PDZD2: variants seen among roughly 807,000 people sequenced by gnomAD.
PDZD2 encodes the protein PDZ domain containing 2.
In PDZD2, 90 loss-of-function variants were observed where a neutral mutation model predicts 220.7. The observed-to-expected ratio is 0.41, with a 90% CI of 0.34 to 0.49. The LOEUF (loss-of-function observed/expected upper bound fraction) is 0.49, where lower values mean the gene tolerates loss of function less well. PDZD2 is among the 20% of genes least tolerant of loss of function. The pLI is 0.28. For missense variants in PDZD2, 3,174 were observed against 3,608.5 expected (o/e 0.88, Z 3.08); for synonymous variants, 1,375 against 1,450.5 (o/e 0.95, Z 1.18).
intron 2 of PDZD2, among the ~76,000 whole-genome samples, chr5:31,833,104 T>C (rs1016905073): frequency 1.1e-4 from 17 of 152,242 alleles, no homozygotes; most frequent in Admixed American, 5.2e-4. Context: ...TCCAAAACTC[T>C]GGAAAAATGA....
At chr5:32,060,647 G>A (rs1380630447) in intron 13 of PDZD2, among the ~76,000 whole-genome samples, 1 of 152,080 alleles carries the variant, frequency 6.6e-6, no homozygotes, top group African/African-American at 2.4e-5. Context: ...TGCACAATGG[G>A]AATAATTTTA....
At position 31,799,278 on chromosome 5, in the gene PDZD2, G is replaced by A. The variant is rs1482786582; in HGVS notation, c.30G>A (p.Leu10=). MPITQDNAV[L]HLPLLYQWLQ... is the part of the protein sequence containing the mutation. ...CCATCACCCAGGACAATGCCGTGCTGCACCTGCCCCTCCTCTACCAGTGGC... is the reference window on the plus strand; with the variant it reads ...CCATCACCCAGGACAATGCCGTGCTACACCTGCCCCTCCTCTACCAGTGGC... Residue 10 remains leucine, a synonymous_variant, in exon 2 of 25, where the codon CTG becomes CTA. Coordinates refer to ENST00000438447, the MANE Select transcript of PDZD2 (RefSeq NM_178140.4). The A allele has an allele frequency of 1.9e-6, 3 of 1,611,142 alleles. No individual in the cohort carries two copies. The highest frequency in any genetic ancestry group is 1.3e-5 in the African/African-American group (1 of 74,900).
intron 2 of PDZD2, among the ~76,000 whole-genome samples, chr5:31,868,024 T>C (rs576123503): frequency 6.6e-6 from 1 of 152,290 alleles, no homozygotes; most frequent in South Asian, 2.1e-4. Flanking sequence ...GTTATCATTT[T>C]GCAGATCTGG....
At chr5:31,734,980 T>C (rs931203351) in intron 1 of PDZD2, among the ~76,000 whole-genome samples, 1 of 152,222 alleles carries the variant, frequency 6.6e-6, no homozygotes, top group African/African-American at 2.4e-5. Flanking sequence ...AATTCCTTTG[T>C]CTGTCTCTGC....
At chr5:32,052,341 T>C (rs1738646349) in intron 8 of PDZD2, among the ~76,000 whole-genome samples, 1 of 152,224 alleles carries the variant, frequency 6.6e-6, no homozygotes, top group Non-Finnish European at 1.5e-5. Context: ...AGCCGGGGTT[T>C]CACCACGTTG....
intron 2 of PDZD2, among the ~76,000 whole-genome samples, chr5:31,845,844 T>C (rs564832751): frequency 6.6e-6 from 1 of 152,362 alleles, no homozygotes; most frequent in East Asian, 1.9e-4. Context: ...CTTGGCATCC[T>C]GTATGTGTTC....
intron 6 of PDZD2, among the ~76,000 whole-genome samples, chr5:32,022,446 A>G (rs1422332282): frequency 6.6e-6 from 1 of 151,686 alleles, no homozygotes; most frequent in Non-Finnish European, 1.5e-5. Context: ...AGCTCAGGCA[A>G]TCTGCCTGCC....
At chr5:32,015,525 T>C (rs146519001) in intron 6 of PDZD2, among the ~76,000 whole-genome samples, 1 of 152,290 alleles carries the variant, frequency 6.6e-6, no homozygotes, top group African/African-American at 2.4e-5. Context: ...TAGCTGGGAT[T>C]ACAGAAGTGA....
At chr5:31,700,224 A>C (rs1747556469) in intron 1 of PDZD2, among the ~76,000 whole-genome samples, 2 of 152,166 alleles carry the variant, frequency 1.3e-5, no homozygotes, top group Admixed American at 1.3e-4. Context: ...TAGAAGAGGA[A>C]GAAAGCCAAG....
At chr5:31,713,556 A>G (rs1274011824) in intron 1 of PDZD2, among the ~76,000 whole-genome samples, 2 of 152,188 alleles carry the variant, frequency 1.3e-5, no homozygotes, top group Non-Finnish European at 2.9e-5. Flanking sequence ...GGGGTCATGC[A>G]GGTACATCCG....
At position 32,098,520 on chromosome 5, in the gene PDZD2, G is replaced by C. The variant is rs370370782; in HGVS notation, c.8104G>C (p.Val2702Leu). The C allele has an allele frequency of 1.9e-6, 3 of 1,614,014 alleles. No homozygotes were observed. Among genetic ancestry groups the C allele is most frequent in the Non-Finnish European group, 2.5e-6 (3 of 1,180,034 alleles). Residue 2702 changes from valine to leucine, a missense_variant, in exon 23 of 25, where the codon GTG becomes CTG. Physicochemically the swap from Val to Leu is conservative, Grantham distance 32. Coordinates refer to ENST00000438447, the MANE Select transcript of PDZD2 (RefSeq NM_178140.4). The surrounding 1 kb of genome is among the most constrained non-coding windows in gnomAD (Gnocchi z 4.1). ...GGCACAGCTGCACAAAGATGCCCTC[G>C]TGGTCATCAAGAAAGGGATGGATCA... ...HQAQLHKDALVVIKKGMDQPR... is the reference protein window; with the variant it reads ...HQAQLHKDALLVIKKGMDQPR...
At chr5:31,861,578 G>A (rs1214673024) in intron 2 of PDZD2, among the ~76,000 whole-genome samples, 7 of 152,168 alleles carry the variant, frequency 4.6e-5, no homozygotes, top group Non-Finnish European at 8.8e-5. Context: ...GGAGATTGCC[G>A]GCTGAACCCA....
intron 1 of PDZD2, among the ~76,000 whole-genome samples, chr5:31,775,665 G>GTA (rs1491161177): frequency 3.9e-5 from 1 of 25,450 alleles, no homozygotes; most frequent in Non-Finnish European, 6.5e-5. Context: ...CTCACAGAGC[G>GTA]TGTGTGTGTG....
At chr5:32,095,426 A>C (rs1021061371) in intron 21 of PDZD2, among the ~76,000 whole-genome samples, 4 of 152,170 alleles carry the variant, frequency 2.6e-5, no homozygotes, top group African/African-American at 9.7e-5. Flanking sequence ...GCAGGTACTA[A>C]AAATAGAACT....
At chr5:31,836,630 A>G (rs932499569) in intron 2 of PDZD2, among the ~76,000 whole-genome samples, 23 of 152,164 alleles carry the variant, frequency 1.5e-4, no homozygotes, top group Admixed American at 1.2e-3. Context: ...ATGATGCTCT[A>G]ATGACAAAAG....
chr5:32,101,309 A>C, intron 24 of PDZD2, 70 bp downstream of exon 24: 1 of 1,385,910 alleles, frequency 7.2e-7, no homozygotes, highest in Non-Finnish European at 9.8e-7. Flanking sequence ...CAATGAAAAA[A>C]ATGCCTTCCA....
At chr5:31,954,611 G>T (rs1747490765) in intron 2 of PDZD2, among the ~76,000 whole-genome samples, 1 of 152,112 alleles carries the variant, frequency 6.6e-6, no homozygotes, top group South Asian at 2.1e-4. Context: ...ACACAGTCTT[G>T]TTTGACATTA....
At chr5:32,056,512 A>G (rs990263461) in intron 10 of PDZD2, among the ~76,000 whole-genome samples, 1 of 152,228 alleles carries the variant, frequency 6.6e-6, no homozygotes, top group Non-Finnish European at 1.5e-5. Flanking sequence ...ATTCCAAAAA[A>G]GCAGGCCATG....
chr5:31,838,460 G>C (rs545781746), intron 2 of PDZD2, among the ~76,000 whole-genome samples: 57 of 152,320 alleles, frequency 3.7e-4, no homozygotes, highest in African/African-American at 1.3e-3. Context: ...CTCATCTCTG[G>C]AATCACAGTC....
Sources: allele counts gnomAD v4.1 joint callset (sites outside exome capture counted in the v4.1 genomes callset), GRCh38; gene constraint gnomAD v4.1.1; non-coding constraint Gnocchi (gnomAD v3.1); transcripts MANE v1.5; gene names NCBI Gene and HGNC (gene_info 2026-07-23, HGNC 2026-07-21).